SNX13: variants seen among roughly 807,000 people sequenced by gnomAD.
The protein encoded by SNX13 is sorting nexin 13, also known as sorting nexin-13.
In SNX13, 45 loss-of-function variants were observed where a neutral mutation model predicts 133.6. The observed-to-expected ratio is 0.34, with a 90% CI of 0.27 to 0.43. The LOEUF is 0.43. Among genes scored for constraint, SNX13 ranks in the 20% least tolerant of loss-of-function variants. SNX13 has a pLI of 1.00. For synonymous variants in SNX13, 414 were observed against 373.9 expected (o/e 1.11, Z -1.24); for missense variants, 1,032 against 1,145.1 (o/e 0.90, Z 1.43).
At position 17,875,534 on chromosome 7, in the gene SNX13, T is replaced by A. The variant is rs758910514; in HGVS notation, c.610A>T (p.Met204Leu). ...AGATCACGGCAAACCTCCTTCTCCA[T>A]TTCAACTTCAACTTCAAAGAAGGTA... ...VDTFFEVEVEMEKEVCRDLVC... is the reference protein window; with the variant it reads ...VDTFFEVEVELEKEVCRDLVC... Residue 204 changes from methionine (M) to leucine (L), a missense_variant, in exon 7 of 26, where the codon ATG (methionine) becomes TTG (leucine). Physicochemically the swap from Met to Leu is conservative, Grantham distance 15. Coordinates refer to ENST00000428135, the MANE Select transcript of SNX13 (RefSeq NM_015132.5). 1 of 1,610,862 alleles carries A rather than the reference T, an allele frequency of 6.2e-7. No homozygotes were observed. Among genetic ancestry groups the A allele is most frequent in the East Asian group, 2.2e-5 (1 of 44,782 alleles).
intron 5 of SNX13, chr7:17,889,718 A>C (rs1167907683): frequency 6.6e-6 from 1 of 152,152 alleles, no homozygotes; most frequent in African/African-American, 2.4e-5. Context: ...AAAAAAAATC[A>C]AGCAGTTTAA....
chr7:17,870,362 G>T (rs1291578117), intron 8 of SNX13, among the ~76,000 whole-genome samples: 1 of 152,052 alleles, frequency 6.6e-6, no homozygotes, highest in Non-Finnish European at 1.5e-5. Flanking sequence ...AAAATATCCT[G>T]TGAGAAATTT....
chr7:17,928,265 C>A (rs1169983177), intron 1 of SNX13, among the ~76,000 whole-genome samples: 1 of 152,146 alleles, frequency 6.6e-6, no homozygotes, highest in Non-Finnish European at 1.5e-5. Flanking sequence ...CAGACTGAGG[C>A]AGGAAGGTTG....
In SNX13 at chr7:17,794,025, C is replaced by G; in HGVS notation, c.*20G>C. 2 of 1,607,128 alleles carry G rather than the reference C, an allele frequency of 1.2e-6. No homozygotes were observed. The highest frequency in any genetic ancestry group is 1.7e-6 in the Non-Finnish European group (2 of 1,176,050). ...CATTAGTCCTGGACAAAATGAACAC[C>G]AGCTTCATAGAGTGGAGTGTCACCT... On this transcript the variant is annotated 3_prime_UTR_variant, in exon 26 of 26. Coordinates refer to ENST00000428135, the MANE Select transcript of SNX13 (RefSeq NM_015132.5).
intron 1 of SNX13, among the ~76,000 whole-genome samples, chr7:17,902,265 T>C (rs80245789): frequency 8.9e-5 from 10 of 111,752 alleles, no homozygotes; most frequent in Non-Finnish European, 1.9e-4. Context: ...TTTTTTTTTT[T>C]AGAAAAAAAA....
chr7:17,848,465 C>T (rs1345157188), intron 11 of SNX13, among the ~76,000 whole-genome samples: 2 of 152,174 alleles, frequency 1.3e-5, no homozygotes, highest in African/African-American at 4.8e-5. Flanking sequence ...TGCAAAAAGG[C>T]AAATGGTCCA....
At chr7:17,934,930 G>C (rs1275692154) in intron 1 of SNX13, among the ~76,000 whole-genome samples, 2 of 152,190 alleles carry the variant, frequency 1.3e-5, no homozygotes. Flanking sequence ...ACTGTAGGTA[G>C]AAATGCAAAT....
At chr7:17,870,881 G>C (rs1237075483) in intron 8 of SNX13, among the ~76,000 whole-genome samples, 2 of 152,154 alleles carry the variant, frequency 1.3e-5, no homozygotes, top group Non-Finnish European at 2.9e-5. Flanking sequence ...CATAATAACA[G>C]GGAATTATGA....
intron 5 of SNX13, among the ~76,000 whole-genome samples, chr7:17,883,213 G>T (rs1029103376): frequency 2.0e-5 from 3 of 152,068 alleles, no homozygotes; most frequent in Non-Finnish European, 4.4e-5. Context: ...ATGTTCTGAA[G>T]GACTTAGATC....
Position 17,873,542 on chromosome 7 carries a change from G to T in SNX13, c.739C>A (p.Arg247=), listed in dbSNP as rs1794356408. ...PPGDFQNKIM[R]YFVREILARG... ...TTTAAGCTTACCCTGACAAAGTATCGCATGATCTTGTTCTGGAAATCTCCA... is the reference window on the plus strand; with the variant it reads ...TTTAAGCTTACCCTGACAAAGTATCTCATGATCTTGTTCTGGAAATCTCCA... The change falls in exon 8 of 26, where the codon CGA becomes AGA. Residue 247 remains arginine, a synonymous_variant. Coordinates refer to ENST00000428135, the MANE Select transcript of SNX13 (RefSeq NM_015132.5). The T allele has an allele frequency of 1.3e-6, 2 of 1,580,352 alleles. No homozygotes were observed. Among genetic ancestry groups the T allele is most frequent in the Non-Finnish European group, 1.7e-6 (2 of 1,163,728 alleles).
At chr7:17,825,488 A>G (rs897972283) in intron 17 of SNX13, among the ~76,000 whole-genome samples, 4 of 152,226 alleles carry the variant, frequency 2.6e-5, no homozygotes, top group Non-Finnish European at 5.9e-5. Flanking sequence ...TAATAACTCA[A>G]TAGCAATGAT....
At chr7:17,936,840 GAAAAAA>G (rs906900906) in intron 1 of SNX13, among the ~76,000 whole-genome samples, 2 of 141,666 alleles carry the variant, frequency 1.4e-5, no homozygotes, top group African/African-American at 5.6e-5. Flanking sequence ...AAAAAAAAAA[GAAAAAA>G]AAAGAAGGGA....
chr7:17,852,030 G>GA (rs1187645494), intron 9 of SNX13, among the ~76,000 whole-genome samples: 4 of 151,754 alleles, frequency 2.6e-5, no homozygotes, highest in Admixed American at 6.6e-5. Flanking sequence ...AAAAACGTAG[G>GA]AAAAAAAATC....
At chr7:17,915,453 G>C (rs2691576) in intron 1 of SNX13, among the ~76,000 whole-genome samples, 85 of 151,682 alleles carry the variant, frequency 5.6e-4, no homozygotes, top group African/African-American at 2.0e-3. Flanking sequence ...TTGTAAGCCC[G>C]TCAATGATAT....
chr7:17,832,747 T>C (rs1788651080), intron 15 of SNX13, among the ~76,000 whole-genome samples: 2 of 151,542 alleles, frequency 1.3e-5, no homozygotes, highest in Admixed American at 1.3e-4. Flanking sequence ...AGTTAATACA[T>C]TATTCCAATT....
chr7:17,875,722 CGTAA>C lies in SNX13; in HGVS notation c.505_508del (p.Leu169GlufsTer10). On this transcript the variant is annotated frameshift_variant, in exon 6 of 26. Coordinates refer to ENST00000428135, the MANE Select transcript of SNX13 (RefSeq NM_015132.5). LOFTEE classifies it high-confidence loss of function. Reference sequence around the variant, plus strand: ...TTTCTGTTGAGCCTTTCTGAATACTCGTAAGTGTGTGCCAAAGTCATCTACAATG... The same window carrying C: ...TTTCTGTTGAGCCTTTCTGAATACTCGTGTGTGCCAAAGTCATCTACAATG... The C allele has an allele frequency of 6.2e-7, 1 of 1,612,484 alleles. No homozygotes were observed. Among genetic ancestry groups the C allele is most frequent in the Non-Finnish European group, 8.5e-7 (1 of 1,179,088 alleles).
At chr7:17,831,429 T>C (rs1788474089) in intron 15 of SNX13, 2 of 907,124 alleles carry the variant, frequency 2.2e-6, no homozygotes, top group South Asian at 1.0e-4. Context: ...TAATAATGAA[T>C]AAAGAGAAAG....
intron 20 of SNX13, among the ~76,000 whole-genome samples, chr7:17,813,993 C>A (rs1786359609): frequency 6.6e-6 from 1 of 152,062 alleles, no homozygotes; most frequent in East Asian, 1.9e-4. Flanking sequence ...ACTCCTTGTT[C>A]TTTTTACATT....
intron 12 of SNX13, among the ~76,000 whole-genome samples, chr7:17,845,227 C>T (rs1790356002): frequency 6.6e-6 from 1 of 152,074 alleles, no homozygotes; most frequent in East Asian, 1.9e-4. Context: ...TATGCTATAA[C>T]ACGGATAAAA....
Sources: gnomAD v4.1 joint callset for allele counts (sites outside exome capture counted in the v4.1 genomes callset) on GRCh38, gnomAD v4.1.1 for gene constraint, MANE v1.5 for transcripts, NCBI Gene and HGNC (gene_info 2026-07-23, HGNC 2026-07-21) for gene names.